Variants in NUBP1 observed in about 807,000 individuals in gnomAD.
NUBP1 encodes cytosolic Fe-S cluster assembly factor NUBP1.
A neutral mutation model predicts 41.8 loss-of-function variants in NUBP1; 46 were observed. That is an observed-to-expected ratio of 1.10 (90% CI 0.87 to 1.41). NUBP1 has a LOEUF of 1.41. Ranked by LOEUF, NUBP1 falls within the 40% of genes most tolerant of loss-of-function variation. The probability of loss-of-function intolerance (pLI) is 0.00; values close to 1 mark genes in which losing one functional copy is unlikely to be tolerated. For synonymous variants in NUBP1, 189 were observed against 154.6 expected (o/e 1.22, Z -1.65); for missense variants, 494 against 414.0 (o/e 1.19, Z -1.68).
At chr16:10,752,546 G>C (rs901000319) in intron 3 of NUBP1, 64 bp from the exon 4 acceptor site, 3 of 1,331,966 alleles carry the variant, frequency 2.3e-6, no homozygotes, top group Non-Finnish European at 3.2e-6. Flanking sequence ...TCCCCTCCTA[G>C]TTGTGTGTGT....
chr16:10,754,672 G>T (rs1448306740), intron 4 of NUBP1, among the ~76,000 whole-genome samples: 2 of 152,202 alleles, frequency 1.3e-5, no homozygotes, highest in African/African-American at 4.8e-5. Context: ...TGTAAGGCTG[G>T]GAGGATGTGA....
intron 9 of NUBP1, 63 bp downstream of exon 9, chr16:10,761,922 G>A (rs1184181372): frequency 3.1e-6 from 4 of 1,305,294 alleles, no homozygotes; most frequent in Non-Finnish European, 2.2e-6. Context: ...CACGGGTCGG[G>A]CACAACAGGG....
chr16:10,748,732 T>C (rs756412634), intron 3 of NUBP1, among the ~76,000 whole-genome samples: 11 of 152,320 alleles, frequency 7.2e-5, no homozygotes, highest in South Asian at 2.1e-4. Context: ...GAAGGGATGA[T>C]GATTACATCT....
chr16:10,764,262 G>C (rs923611876), intron 9 of NUBP1, among the ~76,000 whole-genome samples: 2 of 152,268 alleles, frequency 1.3e-5, no homozygotes, highest in Non-Finnish European at 2.9e-5. Context: ...GAGCACCTCA[G>C]TGTACTTTGC....
intron 6 of NUBP1, 106 bp downstream of exon 6, chr16:10,756,886 A>G: frequency 1.2e-6 from 1 of 828,284 alleles, no homozygotes; most frequent in Non-Finnish European, 1.9e-6. Context: ...TGGACTTCAC[A>G]GTATATTATT....
chr16:10,747,490 C>G (rs560824480), intron 3 of NUBP1, among the ~76,000 whole-genome samples: 6 of 152,368 alleles, frequency 3.9e-5, no homozygotes, highest in African/African-American at 1.4e-4. Context: ...AAAATATTAG[C>G]TGGGCGTGGT....
At chr16:10,746,896 A>T (rs558602591) in intron 2 of NUBP1, among the ~76,000 whole-genome samples, 1 of 152,298 alleles carries the variant, frequency 6.6e-6, no homozygotes, top group South Asian at 2.1e-4. Flanking sequence ...CTTTGTGGAG[A>T]CTATGTTCTA....
chr16:10,760,546 G>C (rs747950804), intron 7 of NUBP1, among the ~76,000 whole-genome samples: 1 of 152,210 alleles, frequency 6.6e-6, no homozygotes, highest in Non-Finnish European at 1.5e-5. Flanking sequence ...AGAAGCTTAA[G>C]ACCAGTCTGG....
chr16:10,748,463 T>C (rs570978384), intron 3 of NUBP1, among the ~76,000 whole-genome samples: 106 of 152,148 alleles, frequency 7.0e-4, no homozygotes, highest in African/African-American at 2.4e-3. Flanking sequence ...ATAAAAGGGG[T>C]TGGTGGGTCG....
Position 10,758,074 on chromosome 16 carries a change from T to C in NUBP1, c.606+47T>C, listed in dbSNP as rs1477567520. ...GCTGGGTCCAAACTGTGCTCCACAC[T>C]GTGAGATTTCTTTCCTACCTGGCTC... On this transcript the variant is annotated intron_variant, in intron 7 of 10. Coordinates refer to ENST00000283027, the MANE Select transcript of NUBP1 (RefSeq NM_002484.4). The C allele has an allele frequency of 3.8e-6, 6 of 1,590,814 alleles. No individual in the cohort carries two copies. The African/African-American group carries it at 6.7e-5, about 18-fold the overall frequency.
In NUBP1 at chr16:10,749,074, G is replaced by A. The variant is rs1343656534; in HGVS notation, c.258+1798G>A. Among the ~76,000 whole-genome samples the A allele has an allele frequency of 2.0e-5, 3 of 148,544 alleles. No homozygotes were observed. The highest frequency in any genetic ancestry group is 7.5e-5 in the African/African-American group (3 of 39,978). On this transcript the variant is annotated intron_variant, in intron 3 of 10. Coordinates refer to ENST00000283027, the MANE Select transcript of NUBP1 (RefSeq NM_002484.4). This position sits in a 1 kb window ranked among gnomAD's most constrained non-coding sequence, Gnocchi z 4.1. Reference sequence around the variant, plus strand: ...CTACTGCACTCCAGCCTGGGTGACAGACAAGACTCCATTTAAAAAAAAAAA... The same window carrying A: ...CTACTGCACTCCAGCCTGGGTGACAAACAAGACTCCATTTAAAAAAAAAAA...
chr16:10,747,078 C>A (rs893999097), intron 2 of NUBP1, 65 bp from the exon 3 acceptor site: 1 of 1,594,344 alleles, frequency 6.3e-7, no homozygotes, highest in African/African-American at 1.3e-5. Flanking sequence ...TTCTAGTTGA[C>A]TGGAAGCGTG....
rs1266559553 is a variant in NUBP1, at chr16:10,766,381, GGA to G, written c.821-1564_821-1563del. 6.6e-6 allele frequency among the ~76,000 whole-genome samples: 1 copy of G among 152,186 alleles called. No individual in the cohort carries two copies. The highest frequency in any genetic ancestry group is 1.5e-5 in the Non-Finnish European group (1 of 68,030). On this transcript the variant is annotated intron_variant, in intron 9 of 10. Coordinates refer to ENST00000283027, the MANE Select transcript of NUBP1 (RefSeq NM_002484.4). The surrounding 1 kb of genome is among the most constrained non-coding windows in gnomAD (Gnocchi z 4.8). ...TGTTCTGATAATGCTGCCCGTTCTT[GGA>G]GAGGTGGGAGCCCAGGGGGAAATGC...
rs760902840 is a variant in NUBP1 at position 10,747,198 on chromosome 16, G to A, written c.180G>A (p.Leu60=). Residue 60 remains leucine, a synonymous_variant, in exon 3 of 11, where the codon TTG becomes TTA. Transcript: ENST00000283027. ...MKTVKHKILV[L]SGKGGVGKST... is the part of the protein sequence containing the mutation. ...CTGTAAAACACAAAATCTTGGTATT[G>A]TCTGGGAAAGGCGGTGTTGGGAAAA... The A allele has an allele frequency of 3.1e-6, 5 of 1,614,246 alleles. No individual in the cohort carries two copies. The South Asian group carries it at 4.4e-5, about 14-fold the overall frequency.
rs1900228911 is a variant in NUBP1, at chr16:10,749,665, A to G, written c.258+2389A>G. On this transcript the variant is annotated intron_variant, in intron 3 of 10. Coordinates refer to ENST00000283027, the MANE Select transcript of NUBP1 (RefSeq NM_002484.4). This position sits in a 1 kb window ranked among gnomAD's most constrained non-coding sequence, Gnocchi z 4.1. ...TATGTCTTGATTAAAGTCAAGCAGC[A>G]CAGATTTCTCCCTGCCCTAAATCCA... is the stretch of plus-strand genomic sequence containing the variant. 6.6e-6 allele frequency among the ~76,000 whole-genome samples: 1 copy of G among 152,250 alleles called. No individual in the cohort carries two copies. The highest frequency in any genetic ancestry group is 1.5e-5 in the Non-Finnish European group (1 of 68,044).
chr16:10,745,263 G>A (rs1300849234), intron 2 of NUBP1, among the ~76,000 whole-genome samples: 3 of 151,630 alleles, frequency 2.0e-5, no homozygotes, highest in Admixed American at 6.6e-5. Flanking sequence ...GAGGTCAGGA[G>A]TTCGAGACCA....
Position 10,744,048 on chromosome 16 carries a change from G to C in NUBP1, c.107G>C (p.Gly36Ala), listed in dbSNP as rs1278048735. The C allele has an allele frequency of 1.3e-6, 2 of 1,582,254 alleles. No individual in the cohort carries two copies. The highest frequency in any genetic ancestry group is 2.3e-5 in the East Asian group (1 of 43,288). ...CAGCGGCTGTGCGCTTCTGGAGCGG[G>C]GGCCACTCCGGACACGGGTGAGAAA... ...PNQRLCASGAGATPDTAIEEI... is the reference protein window; with the variant it reads ...PNQRLCASGAAATPDTAIEEI... Residue 36 changes from glycine (G) to alanine (A), a missense_variant, in exon 2 of 11, where the codon GGG becomes GCG. Transcript: ENST00000283027.
chr16:10,762,040 C>T, intron 9 of NUBP1, 181 bp downstream of exon 9: 1 of 549,836 alleles, frequency 1.8e-6, no homozygotes, highest in Non-Finnish European at 3.2e-6. Flanking sequence ...AGGCCGAGAC[C>T]CCTGCGGGCA....
At position 10,768,036 on chromosome 16, in the gene NUBP1, A is replaced by G. The variant is rs1321206361; in HGVS notation, c.904+4A>G. 6.2e-7 allele frequency: 1 copy of G among 1,613,768 alleles called. No homozygotes were observed. The highest frequency in any genetic ancestry group is 8.5e-7 in the Non-Finnish European group (1 of 1,179,754). On this transcript the variant is annotated splice_donor_region_variant and intron_variant, in intron 10 of 10. Transcript: ENST00000283027. This position sits in a 1 kb window ranked among gnomAD's most constrained non-coding sequence, Gnocchi z 4.3. ...GCCTACAGAAGTATAATTCAGAGTA[A>G]GTATTTCCATGAGTACTAAATGCAG...
Sources: gnomAD v4.1 joint callset for allele counts (sites outside exome capture counted in the v4.1 genomes callset) on GRCh38, gnomAD v4.1.1 for gene constraint, Gnocchi (gnomAD v3.1) non-coding constraint, MANE v1.5 for transcripts, NCBI Gene and HGNC (gene_info 2026-07-23, HGNC 2026-07-21) for gene names.